The following ACYP2 variants were observed in gnomAD, a reference collection of about 807,000 sequenced individuals.
ACYP2 encodes acylphosphatase-2.
In ACYP2, 12 loss-of-function variants were observed where a neutral mutation model predicts 11.2. The ratio of observed to expected loss-of-function variants is 1.08; its 90% CI spans 0.69 to 1.74. The LOEUF (loss-of-function observed/expected upper bound fraction) is 1.74. ACYP2 is among the 40% of genes most tolerant of loss of function. The pLI is 0.00. For missense variants in ACYP2, 134 were observed against 101.9 expected (o/e 1.31, Z -1.35); for synonymous variants, 43 against 32.2 (o/e 1.33, Z -1.13).
intron 6 of ACYP2, among the ~76,000 whole-genome samples, chr2:54,149,774 C>A (rs559242199): frequency 3.6e-4 from 55 of 152,098 alleles, no homozygotes; most frequent in Non-Finnish European, 7.2e-4. Flanking sequence ...TATTAAAGGA[C>A]TGGTATATGT....
chr2:53,998,401 G>A (rs532762955), intron 2 of ACYP2, among the ~76,000 whole-genome samples: 4 of 152,284 alleles, frequency 2.6e-5, no homozygotes, highest in East Asian at 1.9e-4. Flanking sequence ...AGATACTTGA[G>A]CATATTAACA....
chr2:54,137,068 AC>A (rs1411734087), intron 5 of ACYP2, among the ~76,000 whole-genome samples: 1 of 152,208 alleles, frequency 6.6e-6, no homozygotes, highest in Non-Finnish European at 1.5e-5. Flanking sequence ...GTTGCTACTT[AC>A]ATAGCATAAC....
At chr2:54,022,530 T>A (rs1455190795) in intron 2 of ACYP2, among the ~76,000 whole-genome samples, 2 of 151,938 alleles carry the variant, frequency 1.3e-5, no homozygotes, top group African/African-American at 4.8e-5. Context: ...TATAGGCAGG[T>A]GTCACCATGC....
intron 6 of ACYP2, among the ~76,000 whole-genome samples, chr2:54,208,705 C>T (rs199865682): frequency 6.3e-5 from 6 of 94,538 alleles, no homozygotes; most frequent in Non-Finnish European, 6.5e-5. Flanking sequence ...AAAAGGGAGA[C>T]TTTTTTTTTT....
intron 4 of ACYP2, among the ~76,000 whole-genome samples, chr2:54,085,285 G>A (rs1392942542): frequency 6.6e-6 from 1 of 152,182 alleles, no homozygotes; most frequent in African/African-American, 2.4e-5. Context: ...GGCACTGTGA[G>A]TGAGTGGGTG....
rs1671191073 is a variant in ACYP2, at chr2:53,972,320, A to G, written c.-37+999A>G. 1.6e-5 allele frequency among the ~76,000 whole-genome samples: 2 copies of G among 128,616 alleles called. 1 individual carries two copies. Among genetic ancestry groups the G allele is most frequent in the African/African-American group, 6.1e-5 (2 of 32,526 alleles). The allele number at this position is 128,616 out of a possible 152,430, so 84.4% of individuals were successfully genotyped here. On this transcript the variant is annotated intron_variant, in intron 1 of 6. Coordinates refer to ENST00000607452, the MANE Select transcript of ACYP2 (RefSeq NM_001320586.2). ...AGCGAAACTCCGTCTCAAAAAATAA[A>G]AGGGCCAGGCGCGTGGTGGCTCACG...
intron 2 of ACYP2, among the ~76,000 whole-genome samples, chr2:54,018,510 TAA>T (rs148037501): frequency 6.7e-6 from 1 of 148,612 alleles, no homozygotes; most frequent in Non-Finnish European, 1.5e-5. Flanking sequence ...AGGCACAGGT[TAA>T]AAAAAAAAGG....
At chr2:54,119,149 A>G (rs935025160) in intron 4 of ACYP2, among the ~76,000 whole-genome samples, 2 of 135,892 alleles carry the variant, frequency 1.5e-5, no homozygotes, top group African/African-American at 5.7e-5. Context: ...TCCTGGGCTC[A>G]TATGATCTTC....
At position 54,255,744 on chromosome 2, in the gene ACYP2, C is replaced by A. The variant is rs187843016; in HGVS notation, c.405-48944C>A. 1.5e-4 allele frequency: 239 copies of A among 1,614,002 alleles called. No homozygotes were observed. Among genetic ancestry groups the A allele is most frequent in the Admixed American group, 1.1e-3 (68 of 60,032 alleles). ...CCTCTGCAATCACTTCAGACTCCGA[C>A]CTCCCTGCCCCACAGGTTTCTAGAG... On this transcript the variant is annotated intron_variant, in intron 6 of 6. Transcript: ENST00000607452.
intron 6 of ACYP2, among the ~76,000 whole-genome samples, chr2:54,287,963 A>G (rs1689148548): frequency 6.6e-6 from 1 of 151,902 alleles, no homozygotes. Context: ...TGCTTGCTTG[A>G]TTGTCTTGGA....
chr2:54,190,617 C>T (rs992078667), intron 6 of ACYP2, among the ~76,000 whole-genome samples: 1 of 152,080 alleles, frequency 6.6e-6, no homozygotes, highest in African/African-American at 2.4e-5. Flanking sequence ...GCCCGCCCCT[C>T]CCAGTCTCCT....
intron 6 of ACYP2, among the ~76,000 whole-genome samples, chr2:54,285,427 C>G (rs1689039974): frequency 6.6e-6 from 1 of 152,168 alleles, no homozygotes; most frequent in African/African-American, 2.4e-5. Context: ...CCATCTAGCC[C>G]TGTGGCATTA....
intron 6 of ACYP2, among the ~76,000 whole-genome samples, chr2:54,193,338 T>C (rs1421332797): frequency 6.6e-6 from 1 of 152,216 alleles, no homozygotes; most frequent in Non-Finnish European, 1.5e-5. Context: ...AAAACAAGTC[T>C]ATAAAATGGA....
chr2:54,046,819 A>G (rs1368230837), intron 2 of ACYP2, among the ~76,000 whole-genome samples: 1 of 152,192 alleles, frequency 6.6e-6, no homozygotes, highest in Admixed American at 6.5e-5. Context: ...TCATTTTGCA[A>G]TGGACCCTTC....
At chr2:54,163,611 T>C (rs971454918) in intron 6 of ACYP2, among the ~76,000 whole-genome samples, 4 of 152,120 alleles carry the variant, frequency 2.6e-5, no homozygotes, top group East Asian at 1.9e-4. Context: ...TCCCAGCACT[T>C]TGGGAGGCCT....
chr2:54,190,610 C>T (rs755950781), intron 6 of ACYP2, among the ~76,000 whole-genome samples: 1 of 151,998 alleles, frequency 6.6e-6, no homozygotes, highest in African/African-American at 2.4e-5. Context: ...ACTGACAGCC[C>T]GCCCCTCCCA....
At chr2:54,204,591 C>G (rs1684996952) in intron 6 of ACYP2, among the ~76,000 whole-genome samples, 1 of 152,106 alleles carries the variant, frequency 6.6e-6, no homozygotes, top group Non-Finnish European at 1.5e-5. Flanking sequence ...GTCTTGAAGC[C>G]TAAAAGACTT....
chr2:54,304,206 TTATA>T (rs1180519763), intron 6 of ACYP2, among the ~76,000 whole-genome samples: 6 of 110,508 alleles, frequency 5.4e-5, no homozygotes, highest in Non-Finnish European at 3.6e-5. Context: ...ATCTCTTTCA[TTATA>T]TATATGTCTG....
At chr2:54,302,656 T>C (rs1689771709) in intron 6 of ACYP2, among the ~76,000 whole-genome samples, 2 of 152,206 alleles carry the variant, frequency 1.3e-5, no homozygotes, top group South Asian at 2.1e-4. Flanking sequence ...CATCTCGCTT[T>C]GGATGTCTAA....
Sources: allele counts gnomAD v4.1 joint callset (sites outside exome capture counted in the v4.1 genomes callset), GRCh38; gene constraint gnomAD v4.1.1; transcripts MANE v1.5; gene names NCBI Gene and HGNC (gene_info 2026-07-23, HGNC 2026-07-21).